PAIP2B: variants seen among roughly 807,000 people sequenced by gnomAD.
The protein encoded by PAIP2B is polyadenylate-binding protein-interacting protein 2B.
PAIP2B carries 13 observed loss-of-function variants against 17.0 expected under a neutral mutation model. That is an observed-to-expected ratio of 0.76 (90% confidence interval 0.50 to 1.22). The LOEUF is 1.22. Among genes scored for constraint, PAIP2B ranks in the 50% most tolerant of loss-of-function variants. PAIP2B has a pLI of 0.00. For synonymous variants in PAIP2B, 43 were observed against 48.7 expected, an observed-to-expected ratio of 0.88 and a Z score of 0.48; for missense variants, 117 against 144.5, an observed-to-expected ratio of 0.81 and a Z score of 0.98.
chr2:71,193,655 C>T (rs775281006), intron 2 of PAIP2B, among the ~76,000 whole-genome samples: 65 of 152,046 alleles, frequency 4.3e-4, no homozygotes, highest in Non-Finnish European at 6.8e-4. Flanking sequence ...AGACTGAGAC[C>T]ATCCTGGCTA....
At chr2:71,193,384 T>C (rs1047058170) in intron 2 of PAIP2B, among the ~76,000 whole-genome samples, 2 of 152,220 alleles carry the variant, frequency 1.3e-5, no homozygotes, top group Admixed American at 6.5e-5. Context: ...TTTCTGTAGG[T>C]TGTCTGTTTA....
chr2:71,211,742 C>T (rs1387228327), intron 1 of PAIP2B, among the ~76,000 whole-genome samples: 1 of 152,032 alleles, frequency 6.6e-6, no homozygotes, highest in Non-Finnish European at 1.5e-5. Context: ...TAACTATTAA[C>T]AATCCCAAAC....
intron 1 of PAIP2B, among the ~76,000 whole-genome samples, chr2:71,226,276 A>G (rs2103840297): frequency 6.6e-6 from 1 of 152,304 alleles, no homozygotes; most frequent in East Asian, 1.9e-4. Context: ...TGGAAGAGGC[A>G]AGTGGAAAAT....
chr2:71,210,256 A>G (rs1675261253), intron 1 of PAIP2B, among the ~76,000 whole-genome samples: 1 of 152,230 alleles, frequency 6.6e-6, no homozygotes, highest in Non-Finnish European at 1.5e-5. Context: ...ATCAAAGGAA[A>G]AAAAGAGAAA....
intron 2 of PAIP2B, among the ~76,000 whole-genome samples, chr2:71,193,984 T>C (rs1674752668): frequency 6.6e-6 from 1 of 152,220 alleles, no homozygotes; most frequent in Non-Finnish European, 1.5e-5. Context: ...AGGGAGTCTT[T>C]TCCCTAGTGC....
intron 1 of PAIP2B, among the ~76,000 whole-genome samples, chr2:71,218,716 GA>G (rs1400061742): frequency 4.6e-5 from 7 of 152,042 alleles, no homozygotes; most frequent in African/African-American, 1.7e-4. Context: ...GAGTGGCAAT[GA>G]TTCACTTAAT....
chr2:71,192,011 C>G (rs1263339479), intron 2 of PAIP2B, among the ~76,000 whole-genome samples: 1 of 151,276 alleles, frequency 6.6e-6, no homozygotes, highest in Non-Finnish European at 1.5e-5. Context: ...GCTGACCTGT[C>G]TGCATATAGC....
rs548745177 is a variant in PAIP2B, at chr2:71,202,793, ATTAT to A, written c.-11-197_-11-194del. Reference sequence around the variant, plus strand: ...CAGTTATCAACTAGACAGATGTACAATTATTTAAGAGTTAAAAGAAAAGATGTCT... The same window carrying A: ...CAGTTATCAACTAGACAGATGTACAATTAAGAGTTAAAAGAAAAGATGTCT... On this transcript the variant is annotated intron_variant, in intron 1 of 3. Coordinates refer to ENST00000244221, the MANE Select transcript of PAIP2B (RefSeq NM_020459.1). Among the ~76,000 whole-genome samples, 19 of 152,290 alleles carry A rather than the reference ATTAT, an allele frequency of 1.2e-4. No individual in the cohort carries two copies. The East Asian group carries it at 3.7e-3, about 29-fold the overall frequency.
At chr2:71,189,690 A>G (rs1245449721) in intron 3 of PAIP2B, among the ~76,000 whole-genome samples, 155 bp downstream of exon 3, 1 of 152,172 alleles carries the variant, frequency 6.6e-6, no homozygotes, top group African/African-American at 2.4e-5. Flanking sequence ...TCTTTAATGC[A>G]CCCCTTATTA....
At chr2:71,195,786 T>C (rs1674803110) in intron 2 of PAIP2B, among the ~76,000 whole-genome samples, 2 of 152,164 alleles carry the variant, frequency 1.3e-5, no homozygotes, top group African/African-American at 2.4e-5. Flanking sequence ...TACAGGCACA[T>C]GCCACCATGC....
At chr2:71,209,139 G>A (rs2418896) in intron 1 of PAIP2B, among the ~76,000 whole-genome samples, 132,922 of 152,120 alleles carry the variant, frequency 0.87, 58,236 homozygotes, top group African/African-American at 0.92. Context: ...TAATGAGAGC[G>A]GTTTCCACGG....
intron 2 of PAIP2B, among the ~76,000 whole-genome samples, chr2:71,196,699 T>C (rs1674829639): frequency 6.6e-6 from 1 of 152,114 alleles, no homozygotes; most frequent in Non-Finnish European, 1.5e-5. Context: ...GGTGCTCCTA[T>C]GTTGTGTGCA....
Position 71,184,523 on chromosome 2 carries a change from T to TA in PAIP2B, c.*3955_*3956insT. On this transcript the variant is annotated 3_prime_UTR_variant, in exon 4 of 4. Transcript: ENST00000244221. ...GTCCCTGTCACCAATAGCAGCTTCA[T>TA]TGTGAGAAGATTAAAACAAAGGAAA... The TA allele has an allele frequency of 6.6e-6, 1 of 152,148 alleles. No homozygotes were observed. The highest frequency in any genetic ancestry group is 1.5e-5 in the Non-Finnish European group (1 of 68,042). 9.4% of individuals were successfully genotyped at this position (152,148 alleles called of 1,614,324 possible). A position where few individuals can be genotyped will look rare whatever the true frequency, so the allele number is the denominator to read the frequency against.
chr2:71,197,328 G>A (rs1674846986), intron 2 of PAIP2B, among the ~76,000 whole-genome samples: 1 of 152,202 alleles, frequency 6.6e-6, no homozygotes, highest in African/African-American at 2.4e-5. Flanking sequence ...CTCTAAGAAT[G>A]TTAAATATAG....
chr2:71,213,593 A>G (rs1036937908), intron 1 of PAIP2B, among the ~76,000 whole-genome samples: 1 of 152,244 alleles, frequency 6.6e-6, no homozygotes, highest in Non-Finnish European at 1.5e-5. Context: ...AAAATGGACT[A>G]CAACTTAAGA....
At chr2:71,190,912 T>C (rs1323838712) in intron 2 of PAIP2B, among the ~76,000 whole-genome samples, 2 of 152,224 alleles carry the variant, frequency 1.3e-5, no homozygotes, top group African/African-American at 4.8e-5. Flanking sequence ...AATAGAAAAT[T>C]ACATAATCAA....
chr2:71,208,074 A>G (rs1215696294), intron 1 of PAIP2B, among the ~76,000 whole-genome samples: 1 of 152,100 alleles, frequency 6.6e-6, no homozygotes, highest in Non-Finnish European at 1.5e-5. Context: ...AGAAAATGCA[A>G]AGTGAGATGA....
At chr2:71,224,939 G>C (rs1362208503) in intron 1 of PAIP2B, among the ~76,000 whole-genome samples, 1 of 152,208 alleles carries the variant, frequency 6.6e-6, no homozygotes, top group Non-Finnish European at 1.5e-5. Context: ...TTTGCAATTT[G>C]TCCAGGATTT....
intron 2 of PAIP2B, among the ~76,000 whole-genome samples, chr2:71,192,445 G>T (rs544862053): frequency 6.6e-6 from 1 of 151,830 alleles, no homozygotes; most frequent in Admixed American, 6.6e-5. Flanking sequence ...AGTAATCTTT[G>T]ATGTTACTTT....
Sources: gnomAD v4.1 joint callset for allele counts (sites outside exome capture counted in the v4.1 genomes callset) on GRCh38, gnomAD v4.1.1 for gene constraint, MANE v1.5 for transcripts, NCBI Gene and HGNC (gene_info 2026-07-23, HGNC 2026-07-21) for gene names.